The following JPH2 variants were observed in gnomAD, a reference collection of about 807,000 sequenced individuals.
JPH2 encodes the protein junctophilin 2.
Under a neutral mutation model 55.9 loss-of-function variants are expected in JPH2, and 38 were observed. The ratio of observed to expected loss-of-function variants is 0.68; its 90% confidence interval spans 0.52 to 0.89. The LOEUF (loss-of-function observed/expected upper bound fraction) is 0.89. Ranked by LOEUF, JPH2 falls within the 40% of genes least tolerant of loss-of-function variation. JPH2 has a pLI of 0.00. For synonymous variants in JPH2, 480 were observed against 472.4 expected, an observed-to-expected ratio of 1.02 and a Z score of -0.21; for missense variants, 964 against 1,037.6, an observed-to-expected ratio of 0.93 and a Z score of 0.97.
intron 3 of JPH2, among the ~76,000 whole-genome samples, chr20:44,117,322 C>G (rs575394154): frequency 6.6e-6 from 1 of 152,326 alleles, no homozygotes; most frequent in Non-Finnish European, 1.5e-5. Flanking sequence ...GAATCCCCAT[C>G]TCTGTCCCTC....
intron 2 of JPH2, among the ~76,000 whole-genome samples, chr20:44,137,665 A>G (rs2072423987): frequency 6.6e-6 from 1 of 152,138 alleles, no homozygotes; most frequent in Non-Finnish European, 1.5e-5. Context: ...TTCAAAACAC[A>G]CTTCCAGAGA....
In JPH2 at chr20:44,127,617, C is replaced by G. The variant is rs185591190; in HGVS notation, c.1170-8994G>C. Among the ~76,000 whole-genome samples, 24 of 152,116 alleles carry G rather than the reference C, an allele frequency of 1.6e-4. No homozygotes were observed. The East Asian group carries it at 4.3e-3, about 27-fold the overall frequency. ...TCTCCTGCCTCAGCCTCCCGAGTACCTGGGATTACAGGCACCCGACACCAT... is the reference window on the plus strand; with the variant it reads ...TCTCCTGCCTCAGCCTCCCGAGTACGTGGGATTACAGGCACCCGACACCAT... On this transcript the variant is annotated intron_variant, in intron 2 of 5. Coordinates refer to ENST00000372980, the MANE Select transcript of JPH2 (RefSeq NM_020433.5).
intron 3 of JPH2, among the ~76,000 whole-genome samples, chr20:44,118,170 T>C (rs1452808529): frequency 6.6e-6 from 1 of 152,198 alleles, no homozygotes; most frequent in Non-Finnish European, 1.5e-5. Flanking sequence ...ACTGAAACTG[T>C]TGGGCAAGTG....
intron 1 of JPH2, among the ~76,000 whole-genome samples, chr20:44,163,315 CAAT>C (rs1488974009): frequency 6.6e-6 from 1 of 152,136 alleles, no homozygotes; most frequent in African/African-American, 2.4e-5. Context: ...GTCTGCCTGT[CAAT>C]GATGTGTTGG....
chr20:44,115,818 G>T lies in JPH2; in HGVS notation c.1857C>A (p.Pro619=). The change falls in exon 4 of 6, where the codon CCC becomes CCA. Residue 619 remains proline, a synonymous_variant. Coordinates refer to ENST00000372980, the MANE Select transcript of JPH2 (RefSeq NM_020433.5). ...TGATGGGCTTGGGCTCCAGCTTGGCGGGGGTCTCGCGTGCAGGCTCGGGGC... is the reference window on the plus strand; with the variant it reads ...TGATGGGCTTGGGCTCCAGCTTGGCTGGGGTCTCGCGTGCAGGCTCGGGGC... ...LRGPEPARET[P]AKLEPKPIIP... is the part of the protein sequence containing the mutation. The T allele has an allele frequency of 1.2e-6, 2 of 1,603,216 alleles. No individual in the cohort carries two copies. Among genetic ancestry groups the T allele is most frequent in the Non-Finnish European group, 1.7e-6 (2 of 1,178,530 alleles).
chr20:44,159,724 G>T lies in JPH2; in HGVS notation c.1063C>A (p.Leu355Met). ...VLVKDTKRRM[L>M]QLKSNKVRQK... ...CGGACCTTGTTGCTCTTGAGCTGCA[G>T]CATGCGGCGCTTGGTGTCCTTGACC... Residue 355 changes from leucine to methionine, a missense_variant, in exon 2 of 6, where the codon CTG becomes ATG. Leu to Met is a conservative substitution (Grantham distance 15, BLOSUM62 2). Transcript: ENST00000372980. This position sits in a 1 kb window ranked among gnomAD's most constrained non-coding sequence, Gnocchi z 5.7. 6.2e-7 allele frequency: 1 copy of T among 1,613,630 alleles called. No homozygotes were observed. The highest frequency in any genetic ancestry group is 8.5e-7 in the Non-Finnish European group (1 of 1,179,972).
At position 44,160,765 on chromosome 20, in the gene JPH2, G is replaced by A. The variant is rs761557655; in HGVS notation, c.380-358C>T. 4.0e-4 allele frequency among the ~76,000 whole-genome samples: 61 copies of A among 152,316 alleles called. No individual in the cohort carries two copies. The highest frequency in any genetic ancestry group is 1.1e-3 in the Admixed American group (17 of 15,306). ...TCGTGCGTACAAGACACTTGTGGGCGTGCATATCGGTGTCTTTTGACTATA... is the reference window on the plus strand; with the variant it reads ...TCGTGCGTACAAGACACTTGTGGGCATGCATATCGGTGTCTTTTGACTATA... On this transcript the variant is annotated intron_variant, in intron 1 of 5. Coordinates refer to ENST00000372980, the MANE Select transcript of JPH2 (RefSeq NM_020433.5). The surrounding 1 kb of genome is among the most constrained non-coding windows in gnomAD (Gnocchi z 4.9).
intron 2 of JPH2, among the ~76,000 whole-genome samples, chr20:44,123,052 T>C (rs1212176493): frequency 6.6e-6 from 1 of 152,108 alleles, no homozygotes; most frequent in East Asian, 1.9e-4. Flanking sequence ...CCCACAGCCC[T>C]GGAAGATTCT....
chr20:44,156,867 C>T (rs980055783), intron 2 of JPH2, among the ~76,000 whole-genome samples: 4 of 152,172 alleles, frequency 2.6e-5, no homozygotes, highest in Admixed American at 2.6e-4. Context: ...AAGAAAATCA[C>T]CCATACCTTC....
chr20:44,173,141 T>A (rs1342617293), intron 1 of JPH2, among the ~76,000 whole-genome samples: 1 of 152,134 alleles, frequency 6.6e-6, no homozygotes, highest in Non-Finnish European at 1.5e-5. Context: ...ACTAACCCCC[T>A]CTTTACTCAG....
At chr20:44,114,337 T>G (rs2145836694) in intron 5 of JPH2, among the ~76,000 whole-genome samples, 1 of 152,340 alleles carries the variant, frequency 6.6e-6, no homozygotes, top group South Asian at 2.1e-4. Context: ...GAGCTCAGTC[T>G]AGACCTGTTG....
chr20:44,185,787 G>T (rs781031548), intron 1 of JPH2, among the ~76,000 whole-genome samples: 2 of 151,546 alleles, frequency 1.3e-5, no homozygotes, highest in East Asian at 1.9e-4. Flanking sequence ...GCATGAATGC[G>T]TGGGTGGGTA....
At chr20:44,170,368 GA>G (rs1450608683) in intron 1 of JPH2, among the ~76,000 whole-genome samples, 8 of 152,320 alleles carry the variant, frequency 5.3e-5, no homozygotes, top group Admixed American at 5.2e-4. Context: ...AGCCATCGCT[GA>G]TCCTTCTCCA....
At chr20:44,131,647 AC>A (rs2072320041) in intron 2 of JPH2, among the ~76,000 whole-genome samples, 1 of 152,184 alleles carries the variant, frequency 6.6e-6, no homozygotes, top group Non-Finnish European at 1.5e-5. Flanking sequence ...TTCCTGCCAT[AC>A]TTTTATAATT....
At chr20:44,164,746 G>A (rs1346992155) in intron 1 of JPH2, among the ~76,000 whole-genome samples, 1 of 151,706 alleles carries the variant, frequency 6.6e-6, no homozygotes, top group Non-Finnish European at 1.5e-5. Context: ...TGGATCTGTG[G>A]TTGCCAGGGG....
At position 44,109,027 on chromosome 20, in the gene JPH2, A is replaced by G. The variant is rs896320042; in HGVS notation, c.*4491T>C. Among the ~76,000 whole-genome samples the G allele has an allele frequency of 1.3e-5, 2 of 152,144 alleles. No individual in the cohort carries two copies. The highest frequency in any genetic ancestry group is 2.9e-5 in the Non-Finnish European group (2 of 68,030). ...GAATTCTGAATCATCACATCCACTA[A>G]TATCCAATAGACAAATGTCCCCTGC... On this transcript the variant is annotated 3_prime_UTR_variant, in exon 6 of 6. Transcript: ENST00000372980.
At position 44,109,131 on chromosome 20, in the gene JPH2, A is replaced by C. The variant is rs951135275; in HGVS notation, c.*4387T>G. ...AAGCTCACTCTTTCATGGTGGGAGC[A>C]GTGTGGTTCTGTAAAAGAGCACAGC... On this transcript the variant is annotated 3_prime_UTR_variant, in exon 6 of 6. Coordinates refer to ENST00000372980, the MANE Select transcript of JPH2 (RefSeq NM_020433.5). Among the ~76,000 whole-genome samples the C allele has an allele frequency of 6.6e-6, 1 of 152,156 alleles. No individual in the cohort carries two copies. Among genetic ancestry groups the C allele is most frequent in the South Asian group, 2.1e-4 (1 of 4,822 alleles).
chr20:44,148,662 C>T (rs2072509328), intron 2 of JPH2, among the ~76,000 whole-genome samples: 1 of 152,152 alleles, frequency 6.6e-6, no homozygotes. Context: ...GGTATTTCCC[C>T]TCCCTTCTCC....
chr20:44,177,019 G>T (rs1312862427), intron 1 of JPH2: 2 of 985,390 alleles, frequency 2.0e-6, no homozygotes, highest in Non-Finnish European at 2.4e-6. Flanking sequence ...TGGAGCAGGG[G>T]TCACTCTGGA....
Sources: allele counts gnomAD v4.1 joint callset (sites outside exome capture counted in the v4.1 genomes callset), GRCh38; gene constraint gnomAD v4.1.1; non-coding constraint Gnocchi (gnomAD v3.1); transcripts MANE v1.5; gene names NCBI Gene and HGNC (gene_info 2026-07-23, HGNC 2026-07-21).